Variants in ZNF536 observed in about 807,000 individuals in gnomAD.
ZNF536 encodes the protein zinc finger protein 536.
In ZNF536, 13 loss-of-function variants were observed where a neutral mutation model predicts 84.5. The ratio of observed to expected loss-of-function variants is 0.15; its 90% CI spans 0.10 to 0.24. The LOEUF is 0.24. ZNF536 is among the 10% of genes least tolerant of loss of function. The pLI is 1.00. For missense variants in ZNF536, 1,536 were observed against 1,747.5 expected, an observed-to-expected ratio of 0.88 and a Z score of 2.16; for synonymous variants, 811 against 742.5, an observed-to-expected ratio of 1.09 and a Z score of -1.50.
Position 30,415,757 on chromosome 19 carries a change from C to G in ZNF536, c.-2-27804C>G, listed in dbSNP as rs375603408. On this transcript the variant is annotated intron_variant, in intron 1 of 4. Coordinates refer to ENST00000355537, the MANE Select transcript of ZNF536 (RefSeq NM_014717.3). Reference sequence around the variant, plus strand: ...TCCCAAGTAGCTGGGACTACAGGTGCCCACCACCGTGCCCGGCTAATTTTT... The same window carrying G: ...TCCCAAGTAGCTGGGACTACAGGTGGCCACCACCGTGCCCGGCTAATTTTT... Among the ~76,000 whole-genome samples the G allele has an allele frequency of 6.5e-4, 99 of 152,200 alleles. 1 individual carries two copies. The South Asian group carries it at 0.02, about 30-fold the overall frequency.
At chr19:30,380,431 AC>A (rs1406364583) in intron 1 of ZNF536, among the ~76,000 whole-genome samples, 1 of 151,910 alleles carries the variant, frequency 6.6e-6, no homozygotes, top group East Asian at 1.9e-4. Context: ...GCCCACGAGC[AC>A]CCCCGGAGAA....
intron 2 of ZNF536, among the ~76,000 whole-genome samples, chr19:30,495,735 G>C (rs1418198292): frequency 6.6e-6 from 1 of 152,222 alleles, no homozygotes; most frequent in African/African-American, 2.4e-5. Flanking sequence ...TTAGCCCCAA[G>C]TGTGCAGTCA....
At chr19:30,417,963 C>T (rs1056633341) in intron 1 of ZNF536, among the ~76,000 whole-genome samples, 14 of 151,956 alleles carry the variant, frequency 9.2e-5, no homozygotes, top group African/African-American at 7.3e-5. Flanking sequence ...TGCCTAGGCT[C>T]GTCTTGAACT....
intron 1 of ZNF536, among the ~76,000 whole-genome samples, chr19:30,280,848 C>T (rs2045416185): frequency 6.6e-6 from 1 of 152,176 alleles, no homozygotes; most frequent in Non-Finnish European, 1.5e-5. Context: ...GAGGAGGGTG[C>T]CTCATCCCCT....
Position 30,549,118 on chromosome 19 carries a change from T to G in ZNF536, c.3499T>G (p.Ser1167Ala), listed in dbSNP as rs2146238714. 1 of 1,614,074 alleles carries G rather than the reference T, an allele frequency of 6.2e-7. No homozygotes were observed. The highest frequency in any genetic ancestry group is 8.5e-7 in the Non-Finnish European group (1 of 1,180,036). ...TTDDLSDIAS[S>A]EDMDSSKGEN... ...TGATGACCTCTCTGACATTGCCTCC[T>G]CAGAGGACATGGACTCCTCCAAGGG... The change falls in exon 4 of 5, where the codon TCA becomes GCA. Residue 1167 changes from serine (S) to alanine (A), a missense_variant. Around this residue, in one of 8 missense-constraint regions of ZNF536, gnomAD observed 624 missense variants for 603.1 expected, o/e 1.03. Coordinates refer to ENST00000355537, the MANE Select transcript of ZNF536 (RefSeq NM_014717.3).
At chr19:30,408,076 A>G (rs917522333) in intron 1 of ZNF536, among the ~76,000 whole-genome samples, 2 of 152,040 alleles carry the variant, frequency 1.3e-5, no homozygotes, top group African/African-American at 4.8e-5. Flanking sequence ...ATACTTTTGG[A>G]TTGGAGGTGG....
At chr19:30,465,423 C>T (rs1463232488) in intron 2 of ZNF536, among the ~76,000 whole-genome samples, 3 of 152,188 alleles carry the variant, frequency 2.0e-5, no homozygotes, top group African/African-American at 7.2e-5. Context: ...GTTCACTCTT[C>T]CTGGTTTTCT....
At chr19:30,263,012 G>A (rs1423214083) in intron 1 of ZNF536, among the ~76,000 whole-genome samples, 2 of 152,122 alleles carry the variant, frequency 1.3e-5, no homozygotes, top group African/African-American at 4.8e-5. Flanking sequence ...GGAAGTTCAG[G>A]GTGATAGAGA....
rs564967464 is a variant in ZNF536 at position 30,466,837 on chromosome 19, AT to A, written c.2170+21113del. On this transcript the variant is annotated intron_variant, in intron 2 of 4. Coordinates refer to ENST00000355537, the MANE Select transcript of ZNF536 (RefSeq NM_014717.3). Reference sequence around the variant, plus strand: ...GGGAAGGAAACTTACCATTTTAACCATTTTTTTTGTTTTTTGTTTTGAGGTG... The same window carrying A: ...GGGAAGGAAACTTACCATTTTAACCATTTTTTTGTTTTTTGTTTTGAGGTG... 2.4e-3 allele frequency among the ~76,000 whole-genome samples: 364 copies of A among 150,246 alleles called. 1 individual carries two copies. The highest frequency in any genetic ancestry group is 8.7e-3 in the African/African-American group (353 of 40,742).
At chr19:30,627,563 G>T (rs1310536247) in intron 1 of ZNF536, among the ~76,000 whole-genome samples, 1 of 149,716 alleles carries the variant, frequency 6.7e-6, no homozygotes, top group Non-Finnish European at 1.5e-5. Flanking sequence ...CCTCCATTGT[G>T]CTGTGTGACC....
Position 30,451,810 on chromosome 19 carries a change from G to T in ZNF536, c.2170+6078G>T, listed in dbSNP as rs115988350. 4.4e-3 allele frequency among the ~76,000 whole-genome samples: 675 copies of T among 152,296 alleles called. 6 individuals are homozygous for T. The highest frequency in any genetic ancestry group is 0.015 in the African/African-American group (640 of 41,568). On this transcript the variant is annotated intron_variant, in intron 2 of 4. Coordinates refer to ENST00000355537, the MANE Select transcript of ZNF536 (RefSeq NM_014717.3). ...CTCCTGCCCACGGAGCTTCTGAGGA[G>T]CTCCATGAAGCTCTCCTCCCTATGC... is the stretch of plus-strand genomic sequence containing the variant.
At chr19:30,265,941 A>T (rs2025489610) in intron 1 of ZNF536, among the ~76,000 whole-genome samples, 1 of 151,010 alleles carries the variant, frequency 6.6e-6, no homozygotes, top group Non-Finnish European at 1.5e-5. Context: ...TCCAGGCTGG[A>T]GTGCAATGGT....
At chr19:30,269,452 A>C (rs1599972244) in intron 1 of ZNF536, among the ~76,000 whole-genome samples, 1 of 152,136 alleles carries the variant, frequency 6.6e-6, no homozygotes, top group Non-Finnish European at 1.5e-5. Context: ...GTGGATGGAG[A>C]GATCAGGAGG....
At chr19:30,249,099 C>T (rs903352632) in intron 1 of ZNF536, among the ~76,000 whole-genome samples, 3 of 152,142 alleles carry the variant, frequency 2.0e-5, no homozygotes, top group Non-Finnish European at 4.4e-5. Flanking sequence ...AAGCACCTTC[C>T]ATGTATTTCA....
chr19:30,307,519 G>A (rs2146030547), intron 2 of ZNF536, among the ~76,000 whole-genome samples: 1 of 152,262 alleles, frequency 6.6e-6, no homozygotes, highest in East Asian at 1.9e-4. Context: ...GAGGGTATGA[G>A]GAAGATGTGC....
At chr19:30,636,514 T>G in intron 1 of ZNF536, among the ~76,000 whole-genome samples, 1 of 152,212 alleles carries the variant, frequency 6.6e-6, no homozygotes, top group East Asian at 1.9e-4. Context: ...ATTTATCATC[T>G]TTATGTTTAA....
chr19:30,524,531 G>A (rs12980596), intron 2 of ZNF536, among the ~76,000 whole-genome samples: 38,858 of 152,090 alleles, frequency 0.26, 5,273 homozygotes, highest in South Asian at 0.45. Context: ...TAGGGGAGGC[G>A]TTATCTCCAA....
intron 2 of ZNF536, among the ~76,000 whole-genome samples, chr19:30,503,695 C>G (rs1485872741): frequency 2.0e-5 from 3 of 152,192 alleles, no homozygotes; most frequent in Non-Finnish European, 4.4e-5. Flanking sequence ...GGGCTGGGGT[C>G]AAGCCCTCGT....
intron 2 of ZNF536, among the ~76,000 whole-genome samples, chr19:30,313,699 T>G (rs1457506460): frequency 6.6e-6 from 1 of 152,208 alleles, no homozygotes; most frequent in African/African-American, 2.4e-5. Context: ...GACTGTGGTT[T>G]CCAGCATCCC....
Sources: allele counts gnomAD v4.1 joint callset (sites outside exome capture counted in the v4.1 genomes callset), GRCh38; gene constraint gnomAD v4.1.1; regional missense constraint gnomAD v4.1.1; transcripts MANE v1.5; gene names NCBI Gene and HGNC (gene_info 2026-07-23, HGNC 2026-07-21).